NCOR2: variants seen among roughly 807,000 people sequenced by gnomAD.
NCOR2 encodes nuclear receptor corepressor 2, also known as CTG repeat protein 26.
A neutral mutation model predicts 262.9 loss-of-function variants in NCOR2; 81 were observed. The observed-to-expected ratio is 0.31, with a 90% CI of 0.26 to 0.37. The LOEUF (loss-of-function observed/expected upper bound fraction) is 0.37, where lower values mean the gene tolerates loss of function less well. NCOR2 is among the 10% of genes least tolerant of loss of function. NCOR2 has a pLI of 1.00. For synonymous variants in NCOR2, 1,659 were observed against 1,559.3 expected (o/e 1.06, Z -1.51); for missense variants, 3,385 against 3,621.4 (o/e 0.93, Z 1.68).
At chr12:124,436,109 T>C (rs1298749855) in intron 8 of NCOR2, among the ~76,000 whole-genome samples, 3 of 152,308 alleles carry the variant, frequency 2.0e-5, no homozygotes, top group African/African-American at 7.2e-5. Context: ...ACTGCGAGCC[T>C]CACACACAGT....
exon 36 of NCOR2, chr12:124,340,385 G>C: frequency 2.5e-6 from 4 of 1,613,088 alleles, no homozygotes; most frequent in Non-Finnish European, 3.4e-6. Context: ...CTCGATCCCG[G>C]TCTCGCTCCC....
chr12:124,478,233 T>C (rs2047214222), intron 3 of NCOR2, among the ~76,000 whole-genome samples: 1 of 152,292 alleles, frequency 6.6e-6, no homozygotes, highest in African/African-American at 2.4e-5. Flanking sequence ...CCTGAGGACA[T>C]CGTGTCACCT....
intron 1 of NCOR2, among the ~76,000 whole-genome samples, chr12:124,565,437 G>A (rs2137309338): frequency 6.6e-6 from 1 of 152,246 alleles, no homozygotes; most frequent in South Asian, 2.1e-4. Flanking sequence ...GCTCTGCTGG[G>A]CCTGACTCAG....
intron 4 of NCOR2, among the ~76,000 whole-genome samples, chr12:124,466,583 T>A (rs2046429475): frequency 6.6e-6 from 1 of 152,090 alleles, no homozygotes; most frequent in South Asian, 2.1e-4. Flanking sequence ...AGTTGCCCCA[T>A]CAGTAAACGG....
At chr12:124,438,051 C>G (rs922205704) in intron 7 of NCOR2, 55 bp from the exon 10 acceptor site, 1 of 1,530,782 alleles carries the variant, frequency 6.5e-7, no homozygotes, top group Admixed American at 1.9e-5. Context: ...AGGCGCTGCA[C>G]CCCGTGCCAT....
rs568707620 is a variant in NCOR2, at chr12:124,451,549, C to CTG, written c.763-1684_763-1683dup. 2.5e-3 allele frequency among the ~76,000 whole-genome samples: 370 copies of CTG among 148,786 alleles called. 1 individual carries two copies. The highest frequency in any genetic ancestry group is 0.02 in the South Asian group (93 of 4,608). Reference sequence around the variant, plus strand: ...TCTGCTCCCCTCTCTGCCTGAGTCTCTGTGTGTGTGTGTGTATGTCTTTCT... The same window carrying CTG: ...TCTGCTCCCCTCTCTGCCTGAGTCTCTGTGTGTGTGTGTGTGTATGTCTTTCT... On this transcript the variant is annotated intron_variant, in intron 6 of 46. Transcript: ENST00000405201.
intron 13 of NCOR2, among the ~76,000 whole-genome samples, chr12:124,403,747 A>C (rs545833558): frequency 1.0e-3 from 155 of 152,276 alleles, no homozygotes; most frequent in Non-Finnish European, 2.0e-3. Context: ...CCTGCCAGGA[A>C]CAGGTGCCTG....
At chr12:124,409,376 GT>G (rs1427445126) in intron 13 of NCOR2, among the ~76,000 whole-genome samples, 1 of 152,198 alleles carries the variant, frequency 6.6e-6, no homozygotes, top group East Asian at 1.9e-4. Context: ...ACGGCCTGGG[GT>G]GCTCCCCCGA....
chr12:124,327,309 A>G (rs2272368), intron 45 of NCOR2, 100 bp downstream of exon 47: 160,103 of 990,434 alleles, frequency 0.16, 15,685 homozygotes, highest in East Asian at 0.39. Context: ...CACAAGCTCC[A>G]AAGCTCGAGG....
chr12:124,427,769 C>G (rs865819782), intron 10 of NCOR2, among the ~76,000 whole-genome samples: 4 of 152,190 alleles, frequency 2.6e-5, no homozygotes, highest in Non-Finnish European at 4.4e-5. Context: ...GGACCCCCGG[C>G]ACGGCCACAG....
intron 1 of NCOR2, among the ~76,000 whole-genome samples, chr12:124,527,277 G>T (rs1026163375): frequency 9.9e-5 from 15 of 152,222 alleles, no homozygotes; most frequent in African/African-American, 3.4e-4. Flanking sequence ...GACGGGGGCA[G>T]ATGACTTGAG....
intron 18 of NCOR2, among the ~76,000 whole-genome samples, chr12:124,374,814 G>A (rs2039864199): frequency 6.6e-6 from 1 of 152,354 alleles, no homozygotes; most frequent in African/African-American, 2.4e-5. Flanking sequence ...CTCCCAGGAT[G>A]CCTGGAGTGG....
At chr12:124,356,712 C>T in exon 23 of NCOR2, 1 of 1,496,484 alleles carries the variant, frequency 6.7e-7, no homozygotes, top group Non-Finnish European at 8.8e-7. Flanking sequence ...CACGGGGGGG[C>T]ACGGGGAAGG....
At chr12:124,346,704 G>C (rs2036964343) in exon 31 of NCOR2, 6 of 1,568,626 alleles carry the variant, frequency 3.8e-6, no homozygotes, top group Non-Finnish European at 5.2e-6. Context: ...GCCGGCTTCA[G>C]CTTCAGGGGG....
At chr12:124,430,849 C>T in intron 8 of NCOR2, 62 bp from the exon 11 acceptor site, 1 of 1,536,480 alleles carries the variant, frequency 6.5e-7, no homozygotes, top group South Asian at 1.2e-5. Context: ...CCGCCTCCCC[C>T]CTGCCCACTC....
At chr12:124,497,912 G>A (rs1257633781), upstream of NCOR2, among the ~76,000 whole-genome samples, 2 of 152,184 alleles carry the variant, frequency 1.3e-5, no homozygotes, top group African/African-American at 4.8e-5. The surrounding 1 kb of genome is among the most constrained non-coding windows in gnomAD (Gnocchi z 4.2). Context: ...CAAGAGTCTG[G>A]CCCTGGGAGA....
At chr12:124,455,231 G>A (rs1391790076) in intron 6 of NCOR2, among the ~76,000 whole-genome samples, 2 of 152,210 alleles carry the variant, frequency 1.3e-5, no homozygotes, top group Admixed American at 1.3e-4. Flanking sequence ...AATGGCATGC[G>A]TGTGAATTGT....
intron 6 of NCOR2, among the ~76,000 whole-genome samples, chr12:124,451,213 TACA>T (rs375939402): frequency 5.3e-5 from 8 of 152,352 alleles, no homozygotes; most frequent in African/African-American, 1.9e-4. Context: ...TGGGCTGATC[TACA>T]ACGCCGGCCC....
rs2045923684 is a variant in NCOR2, at chr12:124,457,224, T to C, written c.706-62A>G. The C allele has an allele frequency of 3.4e-6, 5 of 1,483,376 alleles. No homozygotes were observed. Among genetic ancestry groups the C allele is most frequent in the South Asian group, 2.7e-5 (2 of 75,326 alleles). 91.9% of individuals were successfully genotyped at this position (1,483,376 alleles called of 1,614,324 possible). A position where few individuals can be genotyped will look rare whatever the true frequency, so the allele number is the denominator to read the frequency against. On this transcript the variant is annotated intron_variant, in intron 5 of 46. Coordinates refer to ENST00000405201, the Ensembl canonical transcript of NCOR2. This position sits in a 1 kb window ranked among gnomAD's most constrained non-coding sequence, Gnocchi z 4.0. ...AAAACAAAAAAACACAGATTATAAA[T>C]AGAGGCTTCCCGGAGCAGCGGGCAC...
Sources: gnomAD v4.1 joint callset for allele counts (sites outside exome capture counted in the v4.1 genomes callset) on GRCh38, gnomAD v4.1.1 for gene constraint, Gnocchi (gnomAD v3.1) non-coding constraint, MANE v1.5 for transcripts, NCBI Gene and HGNC (gene_info 2026-07-23, HGNC 2026-07-21) for gene names.